MEIS2: variants seen among roughly 807,000 people sequenced by gnomAD.
MEIS2 encodes homeobox protein Meis2.
In MEIS2, 9 loss-of-function variants were observed where a neutral mutation model predicts 58.6. The observed-to-expected ratio is 0.15, with a 90% CI of 0.09 to 0.27. The LOEUF (loss-of-function observed/expected upper bound fraction) is 0.27, where lower values mean the gene tolerates loss of function less well. MEIS2 is among the 10% of genes least tolerant of loss of function. The pLI is 1.00. For missense variants in MEIS2, 427 were observed against 635.0 expected (o/e 0.67, Z 3.52); for synonymous variants, 221 against 228.4 (o/e 0.97, Z 0.29).
At chr15:36,985,452 G>A (rs982721957) in intron 8 of MEIS2, among the ~76,000 whole-genome samples, 1 of 151,940 alleles carries the variant, frequency 6.6e-6, no homozygotes, top group Non-Finnish European at 1.5e-5. Context: ...CCTTCTGATA[G>A]AGGCCTTGTT....
intron 7 of MEIS2, among the ~76,000 whole-genome samples, chr15:37,079,479 C>T (rs1053695970): frequency 1.3e-5 from 2 of 151,966 alleles, no homozygotes; most frequent in Non-Finnish European, 2.9e-5. Flanking sequence ...ATATTCAGGA[C>T]CCACAGTAAG....
chr15:37,008,314 T>C (rs1299014561), intron 8 of MEIS2, among the ~76,000 whole-genome samples: 1 of 152,264 alleles, frequency 6.6e-6, no homozygotes, highest in Non-Finnish European at 1.5e-5. Flanking sequence ...AAAATGTATT[T>C]CTACCTATTT....
At position 37,093,926 on chromosome 15, in the gene MEIS2, A is replaced by G. The variant is rs576271449; in HGVS notation, c.490-196T>C. 31 of 615,586 alleles carry G rather than the reference A, an allele frequency of 5.0e-5. No individual in the cohort carries two copies. In the East Asian group the frequency reaches 6.3e-4, roughly 13 times the overall value. The allele number at this position is 615,586 out of a possible 1,614,324, so 38.1% of individuals were successfully genotyped here. On this transcript the variant is annotated intron_variant, in intron 5 of 11. Transcript: ENST00000561208. ...AACAATAGAGTAATTGTTGCAGCAGATATTATTCTCCAGAGACTTCTCTGA... is the reference window on the plus strand; with the variant it reads ...AACAATAGAGTAATTGTTGCAGCAGGTATTATTCTCCAGAGACTTCTCTGA...
chr15:36,987,962 A>G (rs1210694113), intron 8 of MEIS2, among the ~76,000 whole-genome samples: 1 of 152,156 alleles, frequency 6.6e-6, no homozygotes, highest in Non-Finnish European at 1.5e-5. Context: ...TTACTTTAGA[A>G]ATGCTCATTC....
chr15:36,926,598 A>G (rs145138234), intron 9 of MEIS2, among the ~76,000 whole-genome samples: 12 of 152,358 alleles, frequency 7.9e-5, no homozygotes, highest in Admixed American at 3.3e-4. Flanking sequence ...GCTGCAAGAC[A>G]ATGGGGAAAT....
intron 9 of MEIS2, among the ~76,000 whole-genome samples, chr15:36,920,572 C>A (rs892538890): frequency 1.3e-5 from 2 of 152,172 alleles, no homozygotes; most frequent in Non-Finnish European, 2.9e-5. Flanking sequence ...TGCTAAAAAT[C>A]CTTTAAGTTG....
At chr15:37,098,379 G>T in intron 1 of MEIS2, 180 bp from the exon 2 acceptor site, 5 of 306,284 alleles carry the variant, frequency 1.6e-5, no homozygotes, top group Non-Finnish European at 2.0e-5. Flanking sequence ...GAGGAGAGGG[G>T]GAGAGAGAGA....
At position 37,093,629 on chromosome 15, in the gene MEIS2, C is replaced by G. The variant is rs760019942; in HGVS notation, c.591G>C (p.Lys197Asn). ...LVIDERDGSS[K>N]SDHEELSGSS... The stretch of plus-strand genomic sequence containing the variant: ...AGCCTGAAAGTTCTTCATGATCTGA[C>G]TTGGAGCTGCCGTCTCTTTCATCAA... Residue 197 changes from lysine (K) to asparagine (N), a missense_variant, in exon 6 of 12, where the codon AAG becomes AAC. By Grantham distance (94) the Lys-to-Asn change is moderately conservative. Transcript: ENST00000561208. 1 of 1,614,164 alleles carries G rather than the reference C, an allele frequency of 6.2e-7. No homozygotes were observed. Among genetic ancestry groups the G allele is most frequent in the Non-Finnish European group, 8.5e-7 (1 of 1,180,042 alleles).
At chr15:36,919,002 A>G (rs768247568) in intron 9 of MEIS2, among the ~76,000 whole-genome samples, 15 of 152,122 alleles carry the variant, frequency 9.9e-5, no homozygotes, top group Admixed American at 6.5e-4. Flanking sequence ...TCATGCCTGT[A>G]ATTCCACCAC....
chr15:36,964,377 G>C (rs1316175132), intron 8 of MEIS2, among the ~76,000 whole-genome samples: 1 of 152,180 alleles, frequency 6.6e-6, no homozygotes, highest in Non-Finnish European at 1.5e-5. Context: ...GTCTGAAACA[G>C]GGAATGTCTC....
chr15:37,030,713 C>T (rs565577008), intron 8 of MEIS2, among the ~76,000 whole-genome samples: 17 of 151,932 alleles, frequency 1.1e-4, no homozygotes, highest in South Asian at 6.3e-4. Flanking sequence ...AGTACAGTGC[C>T]GTGATCATGG....
At chr15:37,036,639 G>T in intron 8 of MEIS2, 175 bp downstream of exon 8, 1 of 571,958 alleles carries the variant, frequency 1.7e-6, no homozygotes, top group Non-Finnish European at 2.9e-6. Context: ...TCTAGAGGGT[G>T]CTCTTTGGAT....
chr15:37,004,410 T>C (rs2060842634), intron 8 of MEIS2, among the ~76,000 whole-genome samples: 1 of 152,192 alleles, frequency 6.6e-6, no homozygotes, highest in Admixed American at 6.5e-5. Context: ...CCTGAGCAGG[T>C]GAGGCCCTTC....
chr15:36,940,872 A>C (rs1220672422), intron 9 of MEIS2, among the ~76,000 whole-genome samples: 2 of 152,292 alleles, frequency 1.3e-5, no homozygotes, highest in Non-Finnish European at 2.9e-5. Flanking sequence ...GATTTTAATA[A>C]GTAACCTATT....
chr15:36,916,234 T>C, intron 9 of MEIS2, among the ~76,000 whole-genome samples: 1 of 151,730 alleles, frequency 6.6e-6, no homozygotes, highest in East Asian at 1.9e-4. Context: ...GAGACCATCC[T>C]GGCTAAAACG....
intron 7 of MEIS2, among the ~76,000 whole-genome samples, chr15:37,045,865 G>A (rs374525337): frequency 3.3e-5 from 5 of 152,276 alleles, no homozygotes; most frequent in Admixed American, 2.0e-4. Context: ...CGACATTAAA[G>A]AGAGGACAGT....
chr15:36,936,989 A>G (rs1250176444), intron 9 of MEIS2, among the ~76,000 whole-genome samples: 4 of 152,242 alleles, frequency 2.6e-5, no homozygotes, highest in African/African-American at 4.8e-5. Context: ...CTTGATACAG[A>G]TGAACTTTGG....
chr15:37,004,452 G>A (rs2141607929), intron 8 of MEIS2, among the ~76,000 whole-genome samples: 1 of 152,260 alleles, frequency 6.6e-6, no homozygotes. Context: ...CAATTCTCCA[G>A]GAAAAGGAAA....
At chr15:36,958,808 A>G (rs1238207541) in intron 8 of MEIS2, among the ~76,000 whole-genome samples, 1 of 152,178 alleles carries the variant, frequency 6.6e-6, no homozygotes, top group Non-Finnish European at 1.5e-5. Flanking sequence ...AAATGAGCCA[A>G]AAGCCACAAA....
Sources: allele counts gnomAD v4.1 joint callset (sites outside exome capture counted in the v4.1 genomes callset), GRCh38; gene constraint gnomAD v4.1.1; transcripts MANE v1.5; gene names NCBI Gene and HGNC (gene_info 2026-07-23, HGNC 2026-07-21).